The following EML1 variants were observed in gnomAD, a reference collection of about 807,000 sequenced individuals.
EML1 encodes EMAP like 1.
In EML1, 27 loss-of-function variants were observed where a neutral mutation model predicts 110.4. That is an observed-to-expected ratio of 0.24 (90% confidence interval 0.18 to 0.34). The LOEUF (loss-of-function observed/expected upper bound fraction) is 0.34. EML1 is among the 10% of genes least tolerant of loss of function. The probability of loss-of-function intolerance (pLI) is 1.00; values close to 1 mark genes in which losing one functional copy is unlikely to be tolerated. For synonymous variants in EML1, 344 were observed against 385.8 expected, an observed-to-expected ratio of 0.89 and a Z score of 1.27; for missense variants, 741 against 1,030.9, an observed-to-expected ratio of 0.72 and a Z score of 3.85.
upstream of EML1, among the ~76,000 whole-genome samples, chr14:99,768,274 T>C (rs1312816581): frequency 6.6e-6 from 1 of 152,200 alleles, no homozygotes; most frequent in African/African-American, 2.4e-5. Flanking sequence ...GGTGTGCTAT[T>C]CTTAGACGTG....
At chr14:99,758,954 G>A (rs2057286007) in intron 1 of EML1, among the ~76,000 whole-genome samples, 1 of 152,232 alleles carries the variant, frequency 6.6e-6, no homozygotes, top group Admixed American at 6.5e-5. Flanking sequence ...CAGGTCTAGA[G>A]GGGCTGTCAG....
chr14:99,880,105 A>G (rs1262171451), intron 4 of EML1, among the ~76,000 whole-genome samples: 1 of 152,220 alleles, frequency 6.6e-6, no homozygotes, highest in African/African-American at 2.4e-5. Context: ...AAATTTACTA[A>G]TCATGTTCCC....
chr14:99,839,928 C>A (rs541812149), intron 1 of EML1, among the ~76,000 whole-genome samples: 1 of 152,312 alleles, frequency 6.6e-6, no homozygotes, highest in Non-Finnish European at 1.5e-5. Flanking sequence ...AGCTGGAGCC[C>A]AGCCAGGAGT....
chr14:99,738,772 C>A lies in EML1; in HGVS notation c.28+912C>A, dbSNP rs531170860. Among the ~76,000 whole-genome samples the A allele has an allele frequency of 2.6e-5, 4 of 152,360 alleles. No homozygotes were observed. In the South Asian group the frequency reaches 8.3e-4, roughly 32 times the overall value. On this transcript the variant is annotated intron_variant, in intron 1 of 10. Transcript: ENST00000554479. ...CACTGAGTGCTCAGGGCCCTGCGTG[C>A]TGGCAGCAGGTGGGCACCCTGGGCA...
intron 4 of EML1, among the ~76,000 whole-genome samples, chr14:99,888,301 T>C (rs529248006): frequency 2.6e-5 from 4 of 152,350 alleles, no homozygotes; most frequent in African/African-American, 9.6e-5. Flanking sequence ...TCAGATTCCC[T>C]TGCGGATTTT....
At chr14:99,765,702 G>A (rs114160499) in intron 1 of EML1, among the ~76,000 whole-genome samples, 3,859 of 151,898 alleles carry the variant, frequency 0.025, 169 homozygotes, top group African/African-American at 0.088. Context: ...CCTCCTAGGC[G>A]CAGGTGATTC....
chr14:99,793,314 G>T (rs2057703454), upstream of EML1: 7 of 980,028 alleles, frequency 7.1e-6, no homozygotes, highest in South Asian at 3.2e-4. Flanking sequence ...CGGCTGCGGC[G>T]GCGGCGGCGG....
intron 1 of EML1, among the ~76,000 whole-genome samples, chr14:99,815,025 A>C (rs1482084689): frequency 1.3e-5 from 2 of 151,740 alleles, no homozygotes; most frequent in Non-Finnish European, 2.9e-5. Context: ...GGTTTGTGTG[A>C]TTCCAGAACC....
At chr14:99,785,139 C>T (rs2057584646) in intron 1 of EML1, among the ~76,000 whole-genome samples, 1 of 152,104 alleles carries the variant, frequency 6.6e-6, no homozygotes, top group South Asian at 2.1e-4. Context: ...ACTGCAACCT[C>T]CACCTCCCAG....
At chr14:99,812,019 A>C (rs1228722105) in intron 1 of EML1, among the ~76,000 whole-genome samples, 2 of 151,742 alleles carry the variant, frequency 1.3e-5, no homozygotes, top group Admixed American at 6.6e-5. Flanking sequence ...TTCCTGTGTA[A>C]GTGGATCTGC....
intron 1 of EML1, among the ~76,000 whole-genome samples, chr14:99,746,121 T>A (rs1189917190): frequency 6.6e-6 from 1 of 152,156 alleles, no homozygotes; most frequent in Non-Finnish European, 1.5e-5. Context: ...ATGTAGTCAA[T>A]GTTATCATTC....
upstream of EML1, chr14:99,792,594 T>C (rs2057688264): frequency 6.6e-6 from 1 of 152,234 alleles, no homozygotes; most frequent in Non-Finnish European, 1.5e-5. Context: ...GTAGAATAAA[T>C]ACTGATTTCC....
intron 1 of EML1, among the ~76,000 whole-genome samples, chr14:99,834,707 TCTTC>T (rs2058512137): frequency 1.3e-5 from 2 of 152,372 alleles, no homozygotes; most frequent in African/African-American, 4.8e-5. Flanking sequence ...GAGAAATATT[TCTTC>T]CTTATCAGTT....
intron 2 of EML1, among the ~76,000 whole-genome samples, chr14:99,851,949 A>G (rs547491180): frequency 6.6e-6 from 1 of 152,248 alleles, no homozygotes; most frequent in East Asian, 1.9e-4. Flanking sequence ...TCTGCTGTCC[A>G]CAAGGACATC....
chr14:99,754,792 G>T (rs1202308313), intron 1 of EML1, among the ~76,000 whole-genome samples: 1 of 152,166 alleles, frequency 6.6e-6, no homozygotes, highest in Non-Finnish European at 1.5e-5. Flanking sequence ...GGACTATGGA[G>T]CCCACGCAGT....
At chr14:99,803,164 C>T (rs1566872499) in intron 1 of EML1, among the ~76,000 whole-genome samples, 1 of 152,124 alleles carries the variant, frequency 6.6e-6, no homozygotes, top group Non-Finnish European at 1.5e-5. Flanking sequence ...GGTGAGTTTC[C>T]TGGTGAAAGG....
intron 2 of EML1, among the ~76,000 whole-genome samples, chr14:99,857,694 G>T (rs2058928215): frequency 6.6e-6 from 1 of 152,174 alleles, no homozygotes; most frequent in Non-Finnish European, 1.5e-5. Context: ...TTTTGCCACT[G>T]TCTTCTCCCA....
chr14:99,780,415 T>A (rs2057526952), intron 1 of EML1, among the ~76,000 whole-genome samples: 1 of 152,150 alleles, frequency 6.6e-6, no homozygotes, highest in Non-Finnish European at 1.5e-5. Context: ...TAGCTTTGAG[T>A]TCAGCTTGTC....
rs778766049 is a variant in EML1, at chr14:99,909,465, C to G, written c.1225C>G (p.Gln409Glu). 272 of 1,613,974 alleles carry G rather than the reference C, an allele frequency of 1.7e-4. No individual in the cohort carries two copies. The highest frequency in any genetic ancestry group is 1.8e-4 in the Non-Finnish European group (207 of 1,180,024). ...AGAAGGAAGCTCCCTTAATAAGAAG[C>G]AAGGATTATTCGAGGTAAAGTTAAA... ...TLEGSSLNKK[Q>E]GLFEKQEKPK... Residue 409 changes from glutamine to glutamate, a missense_variant, in exon 11 of 22, where the codon CAA (glutamine) becomes GAA (glutamate). Gln to Glu is a conservative substitution (Grantham distance 29, BLOSUM62 2). Transcript: ENST00000262233.
Sources: allele counts gnomAD v4.1 joint callset (sites outside exome capture counted in the v4.1 genomes callset), GRCh38; gene constraint gnomAD v4.1.1; transcripts MANE v1.5; gene names NCBI Gene and HGNC (gene_info 2026-07-23, HGNC 2026-07-21).